Variants in SMURF1 observed in about 807,000 individuals in gnomAD.
The protein encoded by SMURF1 is E3 ubiquitin-protein ligase SMURF1.
Under a neutral mutation model 98.0 loss-of-function variants are expected in SMURF1, and 44 were observed. The observed-to-expected ratio is 0.45, with a 90% confidence interval of 0.35 to 0.58. The LOEUF (loss-of-function observed/expected upper bound fraction) is 0.58. Among genes scored for constraint, SMURF1 ranks in the 20% least tolerant of loss-of-function variants. The pLI, the probability that SMURF1 is intolerant of heterozygous loss-of-function variation, is 0.00. For missense variants in SMURF1, 687 were observed against 938.4 expected (o/e 0.73, Z 3.50); for synonymous variants, 396 against 374.9 (o/e 1.06, Z -0.65).
At chr7:99,140,160 AAC>A (rs1445129232) in intron 1 of SMURF1, among the ~76,000 whole-genome samples, 1 of 152,158 alleles carries the variant, frequency 6.6e-6, no homozygotes, top group African/African-American at 2.4e-5. Flanking sequence ...CTTGTTCCGT[AAC>A]ATGTAGTTAA....
chr7:99,078,747 G>C (rs967414208), intron 1 of SMURF1, among the ~76,000 whole-genome samples: 14 of 152,240 alleles, frequency 9.2e-5, no homozygotes, highest in Non-Finnish European at 8.8e-5. Flanking sequence ...AATGCCTGAT[G>C]ATCTGTCACT....
chr7:99,033,735 C>T (rs1319361945), intron 16 of SMURF1, among the ~76,000 whole-genome samples: 2 of 152,246 alleles, frequency 1.3e-5, no homozygotes, highest in African/African-American at 2.4e-5. Context: ...TTTGTACCCA[C>T]CCTCTGGAAT....
chr7:99,140,519 C>T (rs1798094228), intron 1 of SMURF1, among the ~76,000 whole-genome samples: 1 of 152,062 alleles, frequency 6.6e-6, no homozygotes, highest in Non-Finnish European at 1.5e-5. Flanking sequence ...ATCTCCTGAC[C>T]TCGTGATCCG....
intron 1 of SMURF1, among the ~76,000 whole-genome samples, chr7:99,132,630 G>T (rs1042502677): frequency 6.6e-6 from 1 of 151,932 alleles, no homozygotes; most frequent in African/African-American, 2.4e-5. Flanking sequence ...TAGGCTGAAG[G>T]CCTGAATGAC....
At chr7:99,133,632 C>A (rs1244085151) in intron 1 of SMURF1, among the ~76,000 whole-genome samples, 1 of 152,180 alleles carries the variant, frequency 6.6e-6, no homozygotes, top group Non-Finnish European at 1.5e-5. Flanking sequence ...TATGCCTATT[C>A]CACAGTCCAG....
At chr7:99,056,325 C>G (rs1307313404) in intron 5 of SMURF1, among the ~76,000 whole-genome samples, 2 of 151,900 alleles carry the variant, frequency 1.3e-5, no homozygotes, top group African/African-American at 4.8e-5. Flanking sequence ...AAGTCAATAT[C>G]TGAGTTACCC....
chr7:99,083,436 C>A (rs1435476367), intron 1 of SMURF1, among the ~76,000 whole-genome samples: 4 of 152,160 alleles, frequency 2.6e-5, no homozygotes, highest in African/African-American at 9.7e-5. Flanking sequence ...ATGACTGCCA[C>A]AATATTAAAC....
intron 1 of SMURF1, among the ~76,000 whole-genome samples, chr7:99,109,455 C>T (rs1359683103): frequency 1.3e-5 from 2 of 152,218 alleles, no homozygotes; most frequent in Non-Finnish European, 2.9e-5. Flanking sequence ...GCTGCACCCA[C>T]ACCCTCAAAC....
intron 17 of SMURF1, 112 bp from the exon 18 acceptor site, chr7:99,030,795 T>G (rs1228657966): frequency 5.6e-5 from 35 of 624,548 alleles, no homozygotes; most frequent in East Asian, 9.0e-5. Flanking sequence ...GAATGGGGGG[T>G]GGGGCAGGGT....
At chr7:99,063,283 A>ATATATATATATAAGATTTT (rs1796106184) in intron 1 of SMURF1, among the ~76,000 whole-genome samples, 1 of 17,348 alleles carries the variant, frequency 5.8e-5, no homozygotes, top group Non-Finnish European at 1.5e-4. Flanking sequence ...ATATATATAT[A>ATATATATATATAAGATTTT]TATATATATA....
At chr7:99,129,251 GTCATCTTAGAT>G (rs1398176583) in intron 1 of SMURF1, among the ~76,000 whole-genome samples, 1 of 152,104 alleles carries the variant, frequency 6.6e-6, no homozygotes, top group Non-Finnish European at 1.5e-5. Context: ...CTTGCAAGCG[GTCATCTTAGAT>G]TCATTGAAAT....
chr7:99,106,831 A>G (rs938551897), intron 1 of SMURF1, among the ~76,000 whole-genome samples: 3 of 152,166 alleles, frequency 2.0e-5, no homozygotes, highest in Non-Finnish European at 2.9e-5. Flanking sequence ...TGATTTAAGG[A>G]TTGAATCAAA....
chr7:99,078,163 G>T (rs11767525), intron 1 of SMURF1, among the ~76,000 whole-genome samples: 17 of 151,678 alleles, frequency 1.1e-4, no homozygotes, highest in African/African-American at 3.9e-4. Flanking sequence ...TTAGCCAGGC[G>T]TGGTAGTGGG....
chr7:99,114,862 C>T (rs533208684), intron 1 of SMURF1, among the ~76,000 whole-genome samples: 2 of 151,416 alleles, frequency 1.3e-5, no homozygotes, highest in African/African-American at 4.9e-5. Flanking sequence ...TTGGAATTTA[C>T]AAAAATGTGA....
chr7:99,057,609 T>TG lies in SMURF1; in HGVS notation c.204-59_204-58insC, dbSNP rs1213101400. The TG allele has an allele frequency of 1.1e-5, 11 of 1,000,946 alleles. 1 individual carries two copies. The highest frequency in any genetic ancestry group is 1.1e-4 in the East Asian group (3 of 27,630). 62.0% of individuals were successfully genotyped at this position (1,000,946 alleles called of 1,614,324 possible). ...GTGTTTGGTTTTTTTTGTTTTGTTT[T>TG]TTTTTTTTTTTGAGATAGAATCCTG... On this transcript the variant is annotated intron_variant, in intron 3 of 17. Transcript: ENST00000361368.
chr7:99,072,739 A>G (rs1408197998), intron 1 of SMURF1, among the ~76,000 whole-genome samples: 3 of 152,316 alleles, frequency 2.0e-5, no homozygotes, highest in South Asian at 4.1e-4. Context: ...ACCCCAGGAA[A>G]TACACACAAT....
At chr7:99,051,815 T>C (rs1795759418) in intron 7 of SMURF1, among the ~76,000 whole-genome samples, 2 of 152,194 alleles carry the variant, frequency 1.3e-5, no homozygotes, top group Admixed American at 6.5e-5. Flanking sequence ...TCAAATGGCA[T>C]AGCCACGCAA....
chr7:99,060,471 T>C, intron 3 of SMURF1, 128 bp downstream of exon 3: 1 of 555,506 alleles, frequency 1.8e-6, no homozygotes, highest in East Asian at 3.1e-5. Flanking sequence ...AGACATTCAT[T>C]TGGCCATCCG....
chr7:99,042,094 A>G, intron 12 of SMURF1, 24 bp downstream of exon 12: 1 of 1,557,970 alleles, frequency 6.4e-7, no homozygotes. Context: ...TCAATTCCCT[A>G]CCTCTTTGTT....
Sources: allele counts gnomAD v4.1 joint callset (sites outside exome capture counted in the v4.1 genomes callset), GRCh38; gene constraint gnomAD v4.1.1; transcripts MANE v1.5; gene names NCBI Gene and HGNC (gene_info 2026-07-23, HGNC 2026-07-21).